NLRP8: variants seen among roughly 807,000 people sequenced by gnomAD.
NLRP8 encodes the protein NLR family pyrin domain containing 8.
In NLRP8, 86 loss-of-function variants were observed where a neutral mutation model predicts 88.7. That is an observed-to-expected ratio of 0.97 (90% CI 0.81 to 1.16). The LOEUF is 1.16. NLRP8 is among the 50% of genes most tolerant of loss of function. The pLI is 0.00. For missense variants in NLRP8, 1,342 were observed against 1,286.5 expected (o/e 1.04, Z -0.66); for synonymous variants, 504 against 494.6 (o/e 1.02, Z -0.25).
intron 5 of NLRP8, among the ~76,000 whole-genome samples, chr19:55,966,729 T>C (rs1470327564): frequency 6.6e-6 from 1 of 152,098 alleles, no homozygotes; most frequent in Non-Finnish European, 1.5e-5. Context: ...GGCAGGATAA[T>C]TGCTTCAGCC....
intron 9 of NLRP8, among the ~76,000 whole-genome samples, chr19:55,987,312 G>A (rs977060786): frequency 6.6e-6 from 1 of 152,236 alleles, no homozygotes; most frequent in Non-Finnish European, 1.5e-5. Context: ...AGAGGTTGCA[G>A]TGAGCCAAGG....
Position 55,987,964 on chromosome 19 carries a change from C to A in NLRP8, c.*51C>A, listed in dbSNP as rs1212401602. 12 of 1,415,726 alleles carry A rather than the reference C, an allele frequency of 8.5e-6. No individual in the cohort carries two copies. The East Asian group carries it at 2.5e-4, about 29-fold the overall frequency. The allele number at this position is 1,415,726 out of a possible 1,614,324, so 87.7% of individuals were successfully genotyped here. On this transcript the variant is annotated 3_prime_UTR_variant, in exon 10 of 10. Transcript: ENST00000291971. The stretch of plus-strand genomic sequence containing the variant: ...CTTGATTGATCAGTTCCCACTCTGA[C>A]AACTGGCAAATACCAGGCGTTATCA...
Position 55,987,962 on chromosome 19 carries a change from G to C in NLRP8, c.*49G>C. ...GGCTTGATTGATCAGTTCCCACTCT[G>C]ACAACTGGCAAATACCAGGCGTTAT... On this transcript the variant is annotated 3_prime_UTR_variant, in exon 10 of 10. Transcript: ENST00000291971. The C allele has an allele frequency of 7.0e-7, 1 of 1,421,116 alleles. No homozygotes were observed. Among genetic ancestry groups the C allele is most frequent in the Non-Finnish European group, 1.0e-6 (1 of 1,004,596 alleles). 88.0% of individuals were successfully genotyped at this position (1,421,116 alleles called of 1,614,324 possible). A position where few individuals can be genotyped will look rare whatever the true frequency, so the allele number is the denominator to read the frequency against.
Position 55,950,165 on chromosome 19 carries a change from C to G in NLRP8, c.367+1896C>G, listed in dbSNP as rs1340400233. On this transcript the variant is annotated intron_variant, in intron 1 of 9. Coordinates refer to ENST00000291971, the MANE Select transcript of NLRP8 (RefSeq NM_176811.2). ...GTGGCTCACGCCTGTAATCCCAGCACTTTGGGAGGCAGAGGTGGGTGGATC... is the reference window on the plus strand; with the variant it reads ...GTGGCTCACGCCTGTAATCCCAGCAGTTTGGGAGGCAGAGGTGGGTGGATC... Among the ~76,000 whole-genome samples the G allele has an allele frequency of 2.0e-5, 3 of 151,120 alleles. No homozygotes were observed. In the East Asian group the frequency reaches 5.9e-4, roughly 30 times the overall value.
At chr19:55,957,664 A>AAAAAAT (rs1979415331) in intron 3 of NLRP8, among the ~76,000 whole-genome samples, 1 of 92,936 alleles carries the variant, frequency 1.1e-5, no homozygotes, top group African/African-American at 6.0e-5. Flanking sequence ...AAAAAAGAAA[A>AAAAAAT]AATAATAATT....
At chr19:55,982,973 A>G (rs1307751611) in intron 9 of NLRP8, among the ~76,000 whole-genome samples, 1 of 152,130 alleles carries the variant, frequency 6.6e-6, no homozygotes, top group African/African-American at 2.4e-5. Context: ...ATGGGGACAT[A>G]GCAATAGGAA....
At position 55,955,517 on chromosome 19, in the gene NLRP8, T is replaced by A. The variant is rs1206128539; in HGVS notation, c.1459T>A (p.Phe487Ile). 6.2e-7 allele frequency: 1 copy of A among 1,614,114 alleles called. No homozygotes were observed. The highest frequency in any genetic ancestry group is 8.5e-7 in the Non-Finnish European group (1 of 1,180,048). The stretch of plus-strand genomic sequence containing the variant: ...GCTGGATCAGACGGGAGTCACCGCC[T>A]TCCTTGGCATGAGTATTCTTCGGAG... Residue 487 changes from phenylalanine (F) to isoleucine (I), a missense_variant, in exon 3 of 10, where the codon TTC (phenylalanine) becomes ATC (isoleucine). Coordinates refer to ENST00000291971, the MANE Select transcript of NLRP8 (RefSeq NM_176811.2).
intron 1 of NLRP8, among the ~76,000 whole-genome samples, chr19:55,948,477 C>T (rs140320576): frequency 1.3e-5 from 2 of 152,180 alleles, no homozygotes; most frequent in East Asian, 3.9e-4. Flanking sequence ...CTCTTCTTGC[C>T]CAGGCTGAAG....
chr19:55,976,373 T>C (rs145642224), intron 8 of NLRP8, 70 bp downstream of exon 8: 5 of 1,309,160 alleles, frequency 3.8e-6, no homozygotes, highest in African/African-American at 1.5e-5. Flanking sequence ...GGATGGAATA[T>C]ATAACAGGAA....
At chr19:55,964,901 T>C (rs1485096508) in intron 4 of NLRP8, among the ~76,000 whole-genome samples, 4 of 152,172 alleles carry the variant, frequency 2.6e-5, no homozygotes, top group South Asian at 4.1e-4. Flanking sequence ...TCAAGGAAAC[T>C]GTTTTTAAAC....
At chr19:55,968,732 C>G (rs1269351320) in intron 5 of NLRP8, among the ~76,000 whole-genome samples, 7 of 152,114 alleles carry the variant, frequency 4.6e-5, no homozygotes, top group Admixed American at 2.0e-4. Flanking sequence ...AAGAGCAGGA[C>G]TCTGTCTCAA....
At chr19:55,953,243 C>T (rs887060886) in intron 2 of NLRP8, among the ~76,000 whole-genome samples, 1 of 152,110 alleles carries the variant, frequency 6.6e-6, no homozygotes, top group Non-Finnish European at 1.5e-5. Flanking sequence ...TCACCGTCTC[C>T]CATCACCCCT....
At chr19:55,951,511 C>T (rs893943633) in intron 1 of NLRP8, among the ~76,000 whole-genome samples, 1 of 152,294 alleles carries the variant, frequency 6.6e-6, no homozygotes. Flanking sequence ...TGTATGTACA[C>T]ATATGTGCAC....
chr19:55,952,707 C>A (rs577318239), intron 2 of NLRP8, 95 bp downstream of exon 2: 2 of 903,302 alleles, frequency 2.2e-6, no homozygotes, highest in African/African-American at 1.7e-5. Context: ...TTTTAAGTTA[C>A]CATGTCCAGT....
At chr19:55,963,887 T>C (rs185950872) in intron 4 of NLRP8, among the ~76,000 whole-genome samples, 7 of 152,108 alleles carry the variant, frequency 4.6e-5, no homozygotes, top group Admixed American at 2.0e-4. Context: ...TGAGCGTGTA[T>C]GCGTTGCCCA....
At chr19:55,974,770 G>A (rs900427591) in intron 7 of NLRP8, among the ~76,000 whole-genome samples, 1 of 151,234 alleles carries the variant, frequency 6.6e-6, no homozygotes, top group Non-Finnish European at 1.5e-5. Flanking sequence ...AAGGCCCATT[G>A]TTTTACTGGG....
chr19:55,957,278 T>G (rs1306862577), intron 3 of NLRP8, among the ~76,000 whole-genome samples: 4 of 152,210 alleles, frequency 2.6e-5, no homozygotes, highest in Non-Finnish European at 5.9e-5. Context: ...ACATTTTATT[T>G]AACTTTACTG....
At chr19:55,948,920 A>G (rs915825465) in intron 1 of NLRP8, among the ~76,000 whole-genome samples, 2 of 152,202 alleles carry the variant, frequency 1.3e-5, no homozygotes, top group African/African-American at 4.8e-5. Context: ...AAGGTTAAAC[A>G]CTTTAAAAGG....
Position 55,955,170 on chromosome 19 carries a change from G to T in NLRP8, c.1112G>T (p.Gly371Val), listed in dbSNP as rs1394267191. Residue 371 changes from glycine (G) to valine (V), a missense_variant, in exon 3 of 10, where the codon GGA (glycine) becomes GTA (valine). By Grantham distance (109) the Gly-to-Val change is moderately radical. Coordinates refer to ENST00000291971, the MANE Select transcript of NLRP8 (RefSeq NM_176811.2). ...ATCAAGTATTTCCAGATGTATTTTG[G>T]ACACACAGAGGAGGGAGACCAAGTC... The T allele has an allele frequency of 1.2e-6, 2 of 1,613,984 alleles. No individual in the cohort carries two copies. The highest frequency in any genetic ancestry group is 1.7e-6 in the Non-Finnish European group (2 of 1,179,932).
Sources: gnomAD v4.1 joint callset for allele counts (sites outside exome capture counted in the v4.1 genomes callset) on GRCh38, gnomAD v4.1.1 for gene constraint, MANE v1.5 for transcripts, NCBI Gene and HGNC (gene_info 2026-07-23, HGNC 2026-07-21) for gene names.